MTERF3: variants seen among roughly 807,000 people sequenced by gnomAD.
The protein encoded by MTERF3 is mitochondrial transcription termination factor 3.
In MTERF3, 40 loss-of-function variants were observed where a neutral mutation model predicts 40.5. That is an observed-to-expected ratio of 0.99 (90% confidence interval 0.77 to 1.29). The LOEUF (loss-of-function observed/expected upper bound fraction) is 1.29. MTERF3 is among the 50% of genes most tolerant of loss of function. MTERF3 has a pLI of 0.00. For missense variants in MTERF3, 452 were observed against 478.2 expected, an observed-to-expected ratio of 0.95 and a Z score of 0.51; for synonymous variants, 158 against 166.6, an observed-to-expected ratio of 0.95 and a Z score of 0.40.
At position 96,261,578 on chromosome 8, in the gene MTERF3, C is replaced by G. The variant is rs1190172719; in HGVS notation, c.-88G>C. The stretch of plus-strand genomic sequence containing the variant: ...CTGGGCCGCACGTCCCGTCCCGCCG[C>G]GCCGCACGCCGGCTCCTCAGCCCGC... On this transcript the variant is annotated 5_prime_UTR_variant, in exon 1 of 8. Transcript: ENST00000287025. 6.5e-6 allele frequency: 1 copy of G among 154,812 alleles called. No homozygotes were observed. The highest frequency in any genetic ancestry group is 1.4e-5 in the Non-Finnish European group (1 of 69,810). The allele number at this position is 154,812 out of a possible 1,614,324, so 9.6% of individuals were successfully genotyped here. A position where few individuals can be genotyped will look rare whatever the true frequency, so the allele number is the denominator to read the frequency against.
intron 3 of MTERF3, among the ~76,000 whole-genome samples, chr8:96,254,387 T>C (rs1172026324): frequency 6.6e-6 from 1 of 152,192 alleles, no homozygotes; most frequent in Non-Finnish European, 1.5e-5. Flanking sequence ...ACCTGTCTAA[T>C]TGAAACTTTG....
At chr8:96,241,013 A>C (rs992617378) in intron 7 of MTERF3, among the ~76,000 whole-genome samples, 1 of 152,204 alleles carries the variant, frequency 6.6e-6, no homozygotes, top group Non-Finnish European at 1.5e-5. Context: ...TGTTCTGATA[A>C]CTAAATTCCC....
At chr8:96,258,907 G>C (rs186551065) in intron 1 of MTERF3, among the ~76,000 whole-genome samples, 1 of 152,264 alleles carries the variant, frequency 6.6e-6, no homozygotes, top group East Asian at 1.9e-4. Flanking sequence ...CAAACCAACA[G>C]ACAGGAACTT....
At chr8:96,250,684 G>C (rs369405187) in intron 4 of MTERF3, among the ~76,000 whole-genome samples, 2 of 13,558 alleles carry the variant, frequency 1.5e-4, no homozygotes, top group East Asian at 2.5e-3. Context: ...GAAGAAGAAG[G>C]AGGAGGAGGA....
intron 4 of MTERF3, among the ~76,000 whole-genome samples, chr8:96,250,015 C>G (rs945519410): frequency 1.3e-5 from 2 of 152,102 alleles, no homozygotes; most frequent in African/African-American, 4.8e-5. Context: ...TTGCCTTGTT[C>G]TCTGTGGTAT....
intron 1 of MTERF3, among the ~76,000 whole-genome samples, chr8:96,260,693 A>G (rs1240930072): frequency 6.6e-6 from 1 of 152,352 alleles, no homozygotes; most frequent in East Asian, 1.9e-4. Flanking sequence ...ATCTTTGTGC[A>G]TACAACTAAT....
chr8:96,248,972 T>C (rs893818303), intron 4 of MTERF3, among the ~76,000 whole-genome samples: 2 of 152,310 alleles, frequency 1.3e-5, no homozygotes, highest in South Asian at 4.1e-4. Context: ...ATTAAAAAAT[T>C]CTAAGTAATT....
At chr8:96,260,712 T>G (rs949104218) in intron 1 of MTERF3, among the ~76,000 whole-genome samples, 4 of 152,240 alleles carry the variant, frequency 2.6e-5, no homozygotes, top group Non-Finnish European at 5.9e-5. Flanking sequence ...ATGTTTATCC[T>G]TGCATTTTTA....
Position 96,251,662 on chromosome 8 carries a change from G to A in MTERF3, c.488-567C>T, listed in dbSNP as rs369291440. Among the ~76,000 whole-genome samples the A allele has an allele frequency of 2.0e-5, 3 of 152,146 alleles. No individual in the cohort carries two copies. In the East Asian group the frequency reaches 5.8e-4, roughly 29 times the overall value. ...AAGAAATGTCTGAGTGAGAACAAGT[G>A]AACACATAGCCCTTCAAGTATACAA... On this transcript the variant is annotated intron_variant, in intron 3 of 7. Coordinates refer to ENST00000287025, the MANE Select transcript of MTERF3 (RefSeq NM_015942.5).
chr8:96,258,082 GAAGAATTTTGTTTT>G (rs1307610099), intron 2 of MTERF3: 1 of 257,986 alleles, frequency 3.9e-6, no homozygotes, highest in Admixed American at 6.5e-5. Context: ...ATTACCACTA[GAAGAATTTTGTTTT>G]AAGAATCTAA....
intron 3 of MTERF3, among the ~76,000 whole-genome samples, chr8:96,254,433 C>G (rs1231630364): frequency 1.3e-5 from 2 of 152,150 alleles, no homozygotes; most frequent in East Asian, 1.9e-4. Flanking sequence ...TCCTCCCCAC[C>G]CCACTCCCCA....
In MTERF3 at chr8:96,261,572, C is replaced by CCGCCG. The variant is rs1220605979; in HGVS notation, c.-87_-83dup. On this transcript the variant is annotated 5_prime_UTR_variant, in exon 1 of 8. Coordinates refer to ENST00000287025, the MANE Select transcript of MTERF3 (RefSeq NM_015942.5). Reference sequence around the variant, plus strand: ...AACTCGCTGGGCCGCACGTCCCGTCCCGCCGCGCCGCACGCCGGCTCCTCA... The same window carrying CCGCCG: ...AACTCGCTGGGCCGCACGTCCCGTCCCGCCGCGCCGCGCCGCACGCCGGCTCCTCA... The CCGCCG allele has an allele frequency of 2.6e-5, 4 of 154,936 alleles. No individual in the cohort carries two copies. Among genetic ancestry groups the CCGCCG allele is most frequent in the South Asian group, 1.9e-4 (1 of 5,346 alleles). The allele number at this position is 154,936 out of a possible 1,614,324, so 9.6% of individuals were successfully genotyped here.
At chr8:96,244,184 A>G (rs1809981047) in intron 6 of MTERF3, 104 bp from the exon 7 acceptor site, 1 of 917,302 alleles carries the variant, frequency 1.1e-6, no homozygotes, top group South Asian at 1.7e-5. Flanking sequence ...GGAGCTCGCT[A>G]TGTTGCCCAG....
chr8:96,240,579 C>G (rs753370495), intron 7 of MTERF3, among the ~76,000 whole-genome samples: 2 of 152,002 alleles, frequency 1.3e-5, no homozygotes, highest in Non-Finnish European at 2.9e-5. Context: ...CTAGAGTAAG[C>G]GGCAGCAACT....
chr8:96,240,729 C>T (rs1164495783), intron 7 of MTERF3, among the ~76,000 whole-genome samples: 2 of 152,134 alleles, frequency 1.3e-5, no homozygotes, highest in Non-Finnish European at 2.9e-5. Context: ...CAGAGGAAGC[C>T]CTTTCAATAT....
In MTERF3 at chr8:96,250,536, CCCCATCTCTCCTAAAAATACAAAAATTAG is replaced by C. The variant is rs371966140; in HGVS notation, c.677+341_677+369del. ...GAACAGCCTGGCCAATGTGGCGAAA[CCCCATCTCTCCTAAAAATACAAAAATTAG>C]CCAGGCATGGTGGCCACCTGTAGTC... On this transcript the variant is annotated intron_variant, in intron 4 of 7. Transcript: ENST00000287025. 1.2e-3 allele frequency among the ~76,000 whole-genome samples: 168 copies of C among 142,210 alleles called. 1 individual carries two copies. Among genetic ancestry groups the C allele is most frequent in the African/African-American group, 4.1e-3 (163 of 39,412 alleles). 93.3% of individuals were successfully genotyped at this position (142,210 alleles called of 152,430 possible). A position where few individuals can be genotyped will look rare whatever the true frequency, so the allele number is the denominator to read the frequency against.
intron 3 of MTERF3, 23 bp downstream of exon 3, chr8:96,256,939 A>C (rs747741042): frequency 6.3e-7 from 1 of 1,584,690 alleles, no homozygotes; most frequent in Non-Finnish European, 8.6e-7. Context: ...TGCAAAAAGT[A>C]CTTGTAGTTT....
chr8:96,246,160 A>T, intron 5 of MTERF3, 147 bp downstream of exon 5: 2 of 863,356 alleles, frequency 2.3e-6, no homozygotes, highest in Non-Finnish European at 1.7e-6. Context: ...CTCTATGTTT[A>T]AACTAGCAGG....
chr8:96,239,786 G>C, intron 7 of MTERF3, 101 bp from the exon 8 acceptor site: 1 of 795,464 alleles, frequency 1.3e-6, no homozygotes. Context: ...CCAATACCAA[G>C]TACTGACCAT....
Sources: gnomAD v4.1 joint callset for allele counts (sites outside exome capture counted in the v4.1 genomes callset) on GRCh38, gnomAD v4.1.1 for gene constraint, MANE v1.5 for transcripts, NCBI Gene and HGNC (gene_info 2026-07-23, HGNC 2026-07-21) for gene names.